Variants in GLYATL1 observed in about 807,000 individuals in gnomAD.
The protein encoded by GLYATL1 is glycine N-acyltransferase-like protein 1.
A neutral mutation model predicts 20.0 loss-of-function variants in GLYATL1; 15 were observed. That is an observed-to-expected ratio of 0.75 (90% CI 0.50 to 1.15). The LOEUF is 1.15. Ranked by LOEUF, GLYATL1 falls within the 50% of genes most tolerant of loss-of-function variation. The pLI, the probability that GLYATL1 is intolerant of heterozygous loss-of-function variation, is 0.00. For missense variants in GLYATL1, 380 were observed against 368.5 expected (o/e 1.03, Z -0.26); for synonymous variants, 151 against 131.5 (o/e 1.15, Z -1.01).
chr11:58,947,269 G>A, intron 3 of GLYATL1, 104 bp downstream of exon 3: 2 of 1,455,140 alleles, frequency 1.4e-6, no homozygotes, highest in Non-Finnish European at 1.8e-6. Flanking sequence ...CAGAGGGTTG[G>A]AGCTGGGAAA....
intron 1 of GLYATL1, among the ~76,000 whole-genome samples, chr11:58,932,429 G>A (rs559621652): frequency 6.6e-6 from 1 of 152,188 alleles, no homozygotes; most frequent in African/African-American, 2.4e-5. Flanking sequence ...TTCTACTATT[G>A]CCTCATGTTT....
At chr11:58,911,995 A>G (rs1265002777), downstream of GLYATL1, among the ~76,000 whole-genome samples, 2 of 152,158 alleles carry the variant, frequency 1.3e-5, no homozygotes, top group Admixed American at 6.5e-5. Flanking sequence ...GTATGGTGTG[A>G]TATCTGGGTC....
downstream of GLYATL1, among the ~76,000 whole-genome samples, chr11:58,912,050 A>T (rs1590765993): frequency 2.0e-5 from 3 of 152,236 alleles, no homozygotes; most frequent in Admixed American, 2.0e-4. Context: ...TGTGTAAAAA[A>T]TTAACTCAAT....
chr11:58,941,576 G>T (rs1856159299), intron 1 of GLYATL1, among the ~76,000 whole-genome samples: 2 of 152,222 alleles, frequency 1.3e-5, no homozygotes, highest in South Asian at 4.1e-4. Flanking sequence ...AAGGGGAGGA[G>T]TAGTAATTTT....
chr11:58,955,224 A>C lies in GLYATL1; in HGVS notation c.362A>C (p.Lys121Thr). Residue 121 changes from lysine (K) to threonine (T), a missense_variant, in exon 6 of 7, where the codon AAG (lysine) becomes ACG (threonine). Physicochemically the swap from Lys to Thr is moderately conservative, Grantham distance 78. Transcript: ENST00000532726. ...GGGATAAGAGTGGCTACATTTTCAA[A>C]GTCAGTGAAAGTAGAGCATTCGAGA... Reference protein sequence around the residue: ...GEGIRVATFSKSVKVEHSRAL... With the variant: ...GEGIRVATFSTSVKVEHSRAL... 6.2e-7 allele frequency: 1 copy of C among 1,614,140 alleles called. No homozygotes were observed. The highest frequency in any genetic ancestry group is 8.5e-7 in the Non-Finnish European group (1 of 1,179,994).
chr11:58,952,431 C>T (rs970652778), intron 4 of GLYATL1, among the ~76,000 whole-genome samples: 3 of 152,080 alleles, frequency 2.0e-5, no homozygotes, highest in Non-Finnish European at 2.9e-5. Flanking sequence ...TTGTTATTTC[C>T]TTACCAGATT....
chr11:58,955,160 T>C lies in GLYATL1; in HGVS notation c.314-16T>C, dbSNP rs535048086. The C allele has an allele frequency of 1.2e-6, 2 of 1,609,310 alleles. No homozygotes were observed. The highest frequency in any genetic ancestry group is 2.2e-5 in the South Asian group (2 of 90,216). On this transcript the variant is annotated splice_polypyrimidine_tract_variant and intron_variant, in intron 5 of 6. Transcript: ENST00000532726. ...CTCCATGTCTGACAAGATTGCTTTCTTGGCTTTCTTCCCAGGTCTTCAAGA... is the reference window on the plus strand; with the variant it reads ...CTCCATGTCTGACAAGATTGCTTTCCTGGCTTTCTTCCCAGGTCTTCAAGA...
downstream of GLYATL1, among the ~76,000 whole-genome samples, chr11:58,910,575 T>C (rs1284877219): frequency 6.6e-6 from 1 of 152,172 alleles, no homozygotes; most frequent in Non-Finnish European, 1.5e-5. Context: ...TAGGTAGTAC[T>C]AGTCTACGGC....
chr11:58,937,770 T>A (rs149753376), upstream of GLYATL1, among the ~76,000 whole-genome samples: 169 of 152,344 alleles, frequency 1.1e-3, 1 homozygote, highest in East Asian at 0.03. Flanking sequence ...TGCCAACAGC[T>A]ATCAGATGTC....
Position 58,949,466 on chromosome 11 carries a change from A to G in GLYATL1, c.186+1501A>G, listed in dbSNP as rs181282499. On this transcript the variant is annotated intron_variant, in intron 4 of 6. Transcript: ENST00000532726. ...TTTAGTTTATTTAATCAATGGTCCAATTTCTTCAAAGTGTGGTATGCTAGA... is the reference window on the plus strand; with the variant it reads ...TTTAGTTTATTTAATCAATGGTCCAGTTTCTTCAAAGTGTGGTATGCTAGA... Among the ~76,000 whole-genome samples the G allele has an allele frequency of 7.9e-5, 12 of 152,320 alleles. 1 individual carries two copies. In the East Asian group the frequency reaches 2.3e-3, roughly 29 times the overall value.
intron 1 of GLYATL1, among the ~76,000 whole-genome samples, chr11:58,913,781 G>T (rs527355412): frequency 2.6e-4 from 40 of 152,186 alleles, no homozygotes; most frequent in Non-Finnish European, 4.0e-4. Context: ...GACCTCAAAG[G>T]AGTGAGCAGG....
At chr11:58,942,501 G>C (rs950593425) in intron 1 of GLYATL1, 1 of 152,226 alleles carries the variant, frequency 6.6e-6, no homozygotes, top group African/African-American at 2.4e-5. Flanking sequence ...GAGGGGAAAA[G>C]ATACTTAAGA....
At chr11:58,918,660 G>A (rs936008841) in intron 1 of GLYATL1, among the ~76,000 whole-genome samples, 3 of 152,184 alleles carry the variant, frequency 2.0e-5, no homozygotes, top group Admixed American at 2.0e-4. Context: ...CAGAATAATG[G>A]AAGTATAATT....
chr11:58,947,949 T>C lies in GLYATL1; in HGVS notation c.170T>C (p.Ile57Thr). ...DSWPEYQMVI[I>T]RPQKQEMTDD... ...TGGCCTGAATATCAGATGGTTATTA[T>C]CCGGCCTCAAAAGCAGGTAGGCACA... Residue 57 changes from isoleucine to threonine, a missense_variant, in exon 4 of 7, where the codon ATC (isoleucine) becomes ACC (threonine). Coordinates refer to ENST00000532726, the MANE Select transcript of GLYATL1 (RefSeq NM_001389712.2). The C allele has an allele frequency of 6.2e-7, 1 of 1,613,396 alleles. No homozygotes were observed. Among genetic ancestry groups the C allele is most frequent in the East Asian group, 2.2e-5 (1 of 44,872 alleles).
At chr11:58,922,408 C>T (rs1376920211) in intron 1 of GLYATL1, among the ~76,000 whole-genome samples, 5 of 152,170 alleles carry the variant, frequency 3.3e-5, no homozygotes, top group African/African-American at 1.2e-4. Flanking sequence ...GTTCTCCTCC[C>T]TGGATGTGGC....
At chr11:58,922,890 A>G (rs1855341846), upstream of GLYATL1, among the ~76,000 whole-genome samples, 1 of 152,178 alleles carries the variant, frequency 6.6e-6, no homozygotes. Context: ...CCTTAAATAC[A>G]TGGCCAATTG....
intron 1 of GLYATL1, among the ~76,000 whole-genome samples, chr11:58,906,588 A>G (rs989735082): frequency 6.6e-6 from 1 of 152,178 alleles, no homozygotes; most frequent in Non-Finnish European, 1.5e-5. Context: ...TGGCAGTCTC[A>G]TTCTTTCTGT....
intron 6 of GLYATL1, 42 bp downstream of exon 6, chr11:58,955,395 G>T (rs1438690925): frequency 6.5e-7 from 1 of 1,541,240 alleles, no homozygotes; most frequent in Non-Finnish European, 8.9e-7. Context: ...GCGATTCCTT[G>T]TACATTTTTG....
At chr11:58,933,523 A>C (rs1855692460) in intron 1 of GLYATL1, 1 of 152,118 alleles carries the variant, frequency 6.6e-6, no homozygotes, top group African/African-American at 2.4e-5. Context: ...TTAGTCATCT[A>C]TCTGGGTTGT....
Sources: allele counts gnomAD v4.1 joint callset (sites outside exome capture counted in the v4.1 genomes callset), GRCh38; gene constraint gnomAD v4.1.1; transcripts MANE v1.5; gene names NCBI Gene and HGNC (gene_info 2026-07-23, HGNC 2026-07-21).